Variants in FBXL17 observed in about 807,000 individuals in gnomAD.
FBXL17 encodes the protein F-box/LRR-repeat protein 17.
A neutral mutation model predicts 66.2 loss-of-function variants in FBXL17; 22 were observed. The observed-to-expected ratio is 0.33, with a 90% CI of 0.24 to 0.47. The LOEUF (loss-of-function observed/expected upper bound fraction) is 0.47. Ranked by LOEUF, FBXL17 falls within the 20% of genes least tolerant of loss-of-function variation. FBXL17 has a pLI of 1.00. For synonymous variants in FBXL17, 474 were observed against 400.5 expected (o/e 1.18, Z -2.19); for missense variants, 878 against 948.2 (o/e 0.93, Z 0.97).
intron 8 of FBXL17, chr5:107,880,077 G>A: frequency 3.7e-6 from 1 of 270,608 alleles, no homozygotes; most frequent in South Asian, 1.4e-4. Flanking sequence ...GGTTTTTTTT[G>A]TTTGTTTGGG....
At chr5:108,173,201 AG>A (rs777816047) in intron 6 of FBXL17, among the ~76,000 whole-genome samples, 7 of 152,196 alleles carry the variant, frequency 4.6e-5, no homozygotes, top group Non-Finnish European at 7.3e-5. Context: ...TTATAAAAGA[AG>A]AAAAATATAT....
intron 4 of FBXL17, among the ~76,000 whole-genome samples, chr5:108,320,725 C>A (rs1759579235): frequency 6.6e-6 from 1 of 151,766 alleles, no homozygotes. Context: ...AGAACAAAAA[C>A]CCTCATTTTT....
At chr5:108,041,402 TTTTG>T (rs1747040377) in intron 6 of FBXL17, among the ~76,000 whole-genome samples, 2 of 151,964 alleles carry the variant, frequency 1.3e-5, no homozygotes, top group Admixed American at 6.6e-5. Flanking sequence ...CAAATTGCCT[TTTTG>T]TTTTTTTGTT....
At chr5:108,120,516 T>C (rs938536738) in intron 6 of FBXL17, among the ~76,000 whole-genome samples, 2 of 152,210 alleles carry the variant, frequency 1.3e-5, no homozygotes, top group African/African-American at 4.8e-5. Context: ...GATACAATTA[T>C]GAGTTTATAG....
At position 107,915,699 on chromosome 5, in the gene FBXL17, AT is replaced by A. The variant is rs1238068166; in HGVS notation, c.1823-34521del. 2.0e-5 allele frequency among the ~76,000 whole-genome samples: 3 copies of A among 152,310 alleles called. No homozygotes were observed. The East Asian group carries it at 5.8e-4, about 29-fold the overall frequency. On this transcript the variant is annotated intron_variant, in intron 7 of 8. Coordinates refer to ENST00000542267, the MANE Select transcript of FBXL17 (RefSeq NM_001163315.3). Reference sequence around the variant, plus strand: ...AAAGTAATTTTGGTACTTATAATAAATCAACAGCTAAACAGGAGGATTGGGT... The same window carrying A: ...AAAGTAATTTTGGTACTTATAATAAACAACAGCTAAACAGGAGGATTGGGT...
intron 5 of FBXL17, among the ~76,000 whole-genome samples, chr5:108,221,996 G>A (rs2966804): frequency 0.78 from 118,314 of 152,120 alleles, 46,740 homozygotes; most frequent in East Asian, 0.93. Context: ...ATGTTCCTCA[G>A]AACTTTGAGG....
intron 7 of FBXL17, among the ~76,000 whole-genome samples, chr5:107,964,348 T>C (rs537142097): frequency 7.9e-5 from 12 of 152,224 alleles, no homozygotes; most frequent in Non-Finnish European, 1.3e-4. Flanking sequence ...ATTAGAGCCA[T>C]CAATTATTCT....
At chr5:108,341,995 T>G (rs1051585371) in intron 4 of FBXL17, among the ~76,000 whole-genome samples, 2 of 152,188 alleles carry the variant, frequency 1.3e-5, no homozygotes, top group African/African-American at 4.8e-5. Flanking sequence ...AATTGGTGTT[T>G]CTATAGCACT....
intron 4 of FBXL17, chr5:108,299,321 T>C (rs1486488723): frequency 1.0e-6 from 1 of 984,376 alleles, no homozygotes; most frequent in Admixed American, 6.2e-5. Flanking sequence ...CCCATCTCCC[T>C]ACCTCAAGAT....
At chr5:107,916,861 T>G (rs1283785447) in intron 7 of FBXL17, among the ~76,000 whole-genome samples, 1 of 152,194 alleles carries the variant, frequency 6.6e-6, no homozygotes, top group African/African-American at 2.4e-5. Flanking sequence ...TAAAAATTTT[T>G]GTTTTCGGAA....
intron 7 of FBXL17, among the ~76,000 whole-genome samples, chr5:108,012,042 T>C (rs896384026): frequency 6.6e-6 from 1 of 152,330 alleles, no homozygotes; most frequent in East Asian, 1.9e-4. Context: ...AAATTACTAC[T>C]TAAATAAAGA....
chr5:108,084,903 C>G (rs1413519134), intron 6 of FBXL17, among the ~76,000 whole-genome samples: 1 of 152,192 alleles, frequency 6.6e-6, no homozygotes, highest in East Asian at 1.9e-4. Flanking sequence ...AATATTTTAA[C>G]ACTTACAATT....
intron 4 of FBXL17, among the ~76,000 whole-genome samples, chr5:108,311,455 A>G (rs1446684420): frequency 1.3e-5 from 2 of 152,140 alleles, no homozygotes; most frequent in Non-Finnish European, 2.9e-5. Flanking sequence ...TACAGATGTG[A>G]GCTGCCACAC....
At chr5:108,315,541 T>C (rs1759322137) in intron 4 of FBXL17, among the ~76,000 whole-genome samples, 1 of 151,236 alleles carries the variant, frequency 6.6e-6, no homozygotes, top group Non-Finnish European at 1.5e-5. Flanking sequence ...AATCTGATAA[T>C]ATATTTCTGT....
At chr5:108,130,883 T>A (rs1750906278) in intron 6 of FBXL17, among the ~76,000 whole-genome samples, 1 of 152,086 alleles carries the variant, frequency 6.6e-6, no homozygotes, top group Non-Finnish European at 1.5e-5. Context: ...TGGTCCTCAT[T>A]TTAATATATT....
intron 6 of FBXL17, among the ~76,000 whole-genome samples, chr5:108,130,188 A>C (rs1271100545): frequency 6.6e-6 from 1 of 151,886 alleles, no homozygotes; most frequent in African/African-American, 2.4e-5. Flanking sequence ...AGAAAACATT[A>C]AACAGGTTTG....
At chr5:108,242,365 T>TTGC (rs1755896351) in intron 4 of FBXL17, among the ~76,000 whole-genome samples, 3 of 139,608 alleles carry the variant, frequency 2.1e-5, no homozygotes, top group African/African-American at 6.5e-5. Flanking sequence ...GTTGTTGTTG[T>TTGC]TGTTGTTGTT....
chr5:107,891,649 G>GA (rs891206118), intron 7 of FBXL17, among the ~76,000 whole-genome samples: 25 of 151,400 alleles, frequency 1.7e-4, no homozygotes, highest in Non-Finnish European at 2.5e-4. Context: ...GATGTAAAAA[G>GA]AAAAAAAAAT....
At chr5:108,348,043 T>C (rs779961335) in intron 4 of FBXL17, among the ~76,000 whole-genome samples, 14 of 152,206 alleles carry the variant, frequency 9.2e-5, no homozygotes, top group Middle Eastern at 3.2e-3. Flanking sequence ...TCTAACTGTC[T>C]AGAATTATTA....
Sources: allele counts gnomAD v4.1 joint callset (sites outside exome capture counted in the v4.1 genomes callset), GRCh38; gene constraint gnomAD v4.1.1; transcripts MANE v1.5; gene names NCBI Gene and HGNC (gene_info 2026-07-23, HGNC 2026-07-21).